Variants in ZNF469 observed in about 807,000 individuals in gnomAD.
The protein encoded by ZNF469 is zinc finger protein 469.
Under a neutral mutation model 1.0 loss-of-function variants are expected in ZNF469, and 1 was observed. The ratio of observed to expected loss-of-function variants is 1.00; its 90% CI spans 0.35 to 4.73. The LOEUF (loss-of-function observed/expected upper bound fraction) is 4.73. Among genes scored for constraint, ZNF469 ranks in the 30% most tolerant of loss-of-function variants. ZNF469 has a pLI of 0.16. For synonymous variants in ZNF469, 2,703 were observed against 2,363.4 expected, an observed-to-expected ratio of 1.14 and a Z score of -4.17; for missense variants, 6,100 against 5,356.3, an observed-to-expected ratio of 1.14 and a Z score of -4.33.
At chr16:88,116,522 A>C in the ZNF469 span, among the ~76,000 whole-genome samples, 1 of 152,228 alleles carries the variant, frequency 6.6e-6, no homozygotes, top group Admixed American at 6.5e-5. Flanking sequence ...TTCCAAAGAA[A>C]TGAAGACGTA....
At chr16:88,160,431 G>A in the ZNF469 span, among the ~76,000 whole-genome samples, 3 of 152,276 alleles carry the variant, frequency 2.0e-5, no homozygotes, top group East Asian at 5.8e-4. Context: ...TCACTGCACT[G>A]GAATGTGCTT....
the ZNF469 span, among the ~76,000 whole-genome samples, chr16:88,298,080 A>G: frequency 6.6e-6 from 1 of 152,242 alleles, no homozygotes; most frequent in Non-Finnish European, 1.5e-5. Flanking sequence ...TGAATGGCAC[A>G]AGGGCCTTAA....
At chr16:88,129,144 C>T in the ZNF469 span, among the ~76,000 whole-genome samples, 1 of 152,222 alleles carries the variant, frequency 6.6e-6, no homozygotes, top group Admixed American at 6.5e-5. Flanking sequence ...TCATTCATTC[C>T]AACTGGAGCT....
At chr16:88,245,498 G>A in the ZNF469 span, among the ~76,000 whole-genome samples, 1 of 152,262 alleles carries the variant, frequency 6.6e-6, no homozygotes, top group Non-Finnish European at 1.5e-5. Flanking sequence ...GTGGGTCCTG[G>A]AGATGAGCCC....
At chr16:88,313,312 A>G in the ZNF469 span, among the ~76,000 whole-genome samples, 5,992 of 152,236 alleles carry the variant, frequency 0.039, 402 homozygotes, top group African/African-American at 0.14. Flanking sequence ...CATTTTCCAG[A>G]TATGTAATCA....
chr16:88,210,044 C>T, the ZNF469 span, among the ~76,000 whole-genome samples: 2 of 152,222 alleles, frequency 1.3e-5, no homozygotes, highest in African/African-American at 2.4e-5. Flanking sequence ...AGAGCTTTCT[C>T]ATGGGAACAT....
chr16:88,403,487 G>A (rs1005887123), intron 1 of ZNF469, among the ~76,000 whole-genome samples: 84 of 138,590 alleles, frequency 6.1e-4, no homozygotes, highest in African/African-American at 2.1e-3. Flanking sequence ...AGCAGCTGCT[G>A]AAACACAGGG....
At chr16:88,125,436 T>C in the ZNF469 span, among the ~76,000 whole-genome samples, 1 of 152,374 alleles carries the variant, frequency 6.6e-6, no homozygotes, top group East Asian at 1.9e-4. Flanking sequence ...TGAAGCCATA[T>C]AACTTTGAGA....
At chr16:88,391,530 C>T (rs943410297) in intron 1 of ZNF469, among the ~76,000 whole-genome samples, 13 of 152,240 alleles carry the variant, frequency 8.5e-5, no homozygotes, top group Non-Finnish European at 1.8e-4. Context: ...GCTTTGGTGT[C>T]CTCTTCATCA....
the ZNF469 span, among the ~76,000 whole-genome samples, chr16:88,326,654 C>T: frequency 1.3e-5 from 2 of 152,210 alleles, no homozygotes; most frequent in Non-Finnish European, 2.9e-5. Flanking sequence ...GACGCAGGCA[C>T]TCACATGGAG....
the ZNF469 span, among the ~76,000 whole-genome samples, chr16:88,375,789 GA>G: frequency 6.6e-6 from 1 of 152,224 alleles, no homozygotes; most frequent in African/African-American, 2.4e-5. Flanking sequence ...AAGACTAAAC[GA>G]AGGAAATCGT....
At chr16:88,279,211 A>C in the ZNF469 span, among the ~76,000 whole-genome samples, 1 of 136,254 alleles carries the variant, frequency 7.3e-6, no homozygotes, top group Admixed American at 7.6e-5. Context: ...ACACTCGGTC[A>C]GTACCTTGTA....
the ZNF469 span, among the ~76,000 whole-genome samples, chr16:88,365,943 G>A: frequency 1.2e-3 from 181 of 152,298 alleles, no homozygotes; most frequent in African/African-American, 4.2e-3. Flanking sequence ...TACACACATG[G>A]TGACAGTGCC....
At chr16:88,128,280 G>C in the ZNF469 span, among the ~76,000 whole-genome samples, 3 of 152,158 alleles carry the variant, frequency 2.0e-5, no homozygotes, top group Non-Finnish European at 4.4e-5. Context: ...GAGAAGTAGG[G>C]GGTGATCCTG....
At chr16:88,192,901 GTGA>G in the ZNF469 span, among the ~76,000 whole-genome samples, 77 of 149,512 alleles carry the variant, frequency 5.2e-4, no homozygotes, top group African/African-American at 1.6e-3. Flanking sequence ...GGTGATGGTG[GTGA>G]TGATGGAGGT....
the ZNF469 span, among the ~76,000 whole-genome samples, chr16:88,213,204 C>T: frequency 1.8e-4 from 27 of 151,950 alleles, no homozygotes; most frequent in Non-Finnish European, 3.1e-4. Context: ...GTTCACGCCA[C>T]TCTCCTGCCT....
the ZNF469 span, among the ~76,000 whole-genome samples, chr16:88,133,411 G>A: frequency 6.6e-6 from 1 of 152,228 alleles, no homozygotes; most frequent in Non-Finnish European, 1.5e-5. Context: ...GTCAGGGAAG[G>A]GCTGAGGAAA....
the ZNF469 span, among the ~76,000 whole-genome samples, chr16:88,220,459 G>C: frequency 6.6e-6 from 1 of 152,328 alleles, no homozygotes; most frequent in African/African-American, 2.4e-5. Context: ...CCCGGATGAA[G>C]TGTGCTGCAA....
At chr16:88,418,601 G>C (rs1905367482) in intron 1 of ZNF469, among the ~76,000 whole-genome samples, 1 of 141,530 alleles carries the variant, frequency 7.1e-6, no homozygotes, top group East Asian at 2.1e-4. Context: ...TTCCCCATGT[G>C]CCCCCTTATC....
Sources: gnomAD v4.1 joint callset for allele counts (sites outside exome capture counted in the v4.1 genomes callset) on GRCh38, gnomAD v4.1.1 for gene constraint, MANE v1.5 for transcripts, NCBI Gene and HGNC (gene_info 2026-07-23, HGNC 2026-07-21) for gene names.